Variants in ZFHX3 observed in about 807,000 individuals in gnomAD.
ZFHX3 encodes zinc finger homeobox protein 3.
In ZFHX3, 42 loss-of-function variants were observed where a neutral mutation model predicts 279.1. The ratio of observed to expected loss-of-function variants is 0.15; its 90% confidence interval spans 0.12 to 0.19. The LOEUF is 0.19. ZFHX3 is among the 10% of genes least tolerant of loss of function. ZFHX3 has a pLI of 1.00. For synonymous variants in ZFHX3, 2,293 were observed against 1,957.8 expected, an observed-to-expected ratio of 1.17 and a Z score of -4.52; for missense variants, 4,981 against 4,754.0, an observed-to-expected ratio of 1.05 and a Z score of -1.40.
chr16:73,732,400 C>G (rs968306231), intron 1 of ZFHX3, among the ~76,000 whole-genome samples: 1 of 152,168 alleles, frequency 6.6e-6, no homozygotes, highest in African/African-American at 2.4e-5. Context: ...CAGTGAAATA[C>G]AAACAGAAAA....
chr16:73,092,092 T>G (rs1216407629), intron 8 of ZFHX3, among the ~76,000 whole-genome samples: 1 of 152,196 alleles, frequency 6.6e-6, no homozygotes, highest in Non-Finnish European at 1.5e-5. Context: ...CTAGTGTGAA[T>G]TAAGGACACT....
chr16:73,348,837 C>A (rs1442116508), intron 3 of ZFHX3, among the ~76,000 whole-genome samples: 1 of 152,186 alleles, frequency 6.6e-6, no homozygotes, highest in Non-Finnish European at 1.5e-5. Flanking sequence ...AGCCCAGGGA[C>A]TTCTCATTCA....
chr16:73,607,188 C>T (rs562339353), intron 2 of ZFHX3, among the ~76,000 whole-genome samples: 1 of 152,286 alleles, frequency 6.6e-6, no homozygotes, highest in African/African-American at 2.4e-5. Flanking sequence ...ACCACCATGC[C>T]TGGCTAATTT....
At chr16:73,274,226 G>A (rs985969073) in intron 4 of ZFHX3, among the ~76,000 whole-genome samples, 9 of 152,210 alleles carry the variant, frequency 5.9e-5, no homozygotes, top group African/African-American at 2.2e-4. Context: ...GAACGGTGGT[G>A]TAATTCTTTG....
chr16:73,350,146 A>G (rs888227550), intron 3 of ZFHX3, among the ~76,000 whole-genome samples: 100 of 152,066 alleles, frequency 6.6e-4, no homozygotes, highest in Non-Finnish European at 3.2e-4. Context: ...CTAGATTCCA[A>G]TTATAATGGA....
At chr16:73,563,339 A>G (rs825695) in intron 2 of ZFHX3, among the ~76,000 whole-genome samples, 106,295 of 150,876 alleles carry the variant, frequency 0.7, 38,285 homozygotes, top group African/African-American at 0.85. Context: ...CTGGGTTCAC[A>G]CCATTCTCCT....
chr16:73,130,934 T>C (rs1175763299), intron 7 of ZFHX3: 7 of 1,294,506 alleles, frequency 5.4e-6, no homozygotes, highest in East Asian at 1.1e-4. Context: ...AAAATGCAAA[T>C]GGCTAGGGGC....
At chr16:73,022,098 A>G (rs1306542288) in intron 1 of ZFHX3, among the ~76,000 whole-genome samples, 1 of 152,148 alleles carries the variant, frequency 6.6e-6, no homozygotes, top group South Asian at 2.1e-4. Flanking sequence ...CCAAAATACT[A>G]TAATGCACTT....
intron 3 of ZFHX3, among the ~76,000 whole-genome samples, chr16:73,391,328 A>G (rs1017671752): frequency 1.3e-5 from 2 of 151,880 alleles, no homozygotes; most frequent in East Asian, 2.0e-4. Context: ...GGTGATGGAC[A>G]CCTGTAATCC....
Position 72,783,881 on chromosome 16 carries a change from G to T in ZFHX3, c.*3283C>A, listed in dbSNP as rs572518754. ...CAGTTGAGCATTGTAGTGAATTCAT[G>T]CTTTGTAAATAGTACTGGTCATAGC... On this transcript the variant is annotated 3_prime_UTR_variant, in exon 10 of 10. Transcript: ENST00000268489. 1.3e-5 allele frequency: 2 copies of T among 152,358 alleles called. No homozygotes were observed. The highest frequency in any genetic ancestry group is 4.1e-4 in the South Asian group (2 of 4,828). 9.4% of individuals were successfully genotyped at this position (152,358 alleles called of 1,614,324 possible).
At chr16:73,739,470 C>T (rs916116174) in intron 1 of ZFHX3, among the ~76,000 whole-genome samples, 2 of 152,152 alleles carry the variant, frequency 1.3e-5, no homozygotes, top group African/African-American at 4.8e-5. Flanking sequence ...AAAATGTCCC[C>T]AGATGTTGCA....
chr16:73,653,620 T>G (rs1397170907), intron 2 of ZFHX3, among the ~76,000 whole-genome samples: 1 of 150,248 alleles, frequency 6.7e-6, no homozygotes, highest in East Asian at 1.9e-4. Flanking sequence ...TTCGGAAAAG[T>G]TATGAAGGGC....
In ZFHX3 at chr16:73,423,545, TG is replaced by T. The variant is rs560914465; in HGVS notation, c.-1291+32457del. On this transcript the variant is annotated intron_variant, in intron 3 of 17. Coordinates refer to the ZFHX3 transcript ENST00000641206. The stretch of plus-strand genomic sequence containing the variant: ...GGAAGGAAAGCCTGCTGAAGGATTC[TG>T]GGGAAAAGTTTGCTGTTAAGAGGTT... Among the ~76,000 whole-genome samples, 318 of 152,280 alleles carry T rather than the reference TG, an allele frequency of 2.1e-3. 3 individuals are homozygous for T. The highest frequency in any genetic ancestry group is 3.6e-3 in the Non-Finnish European group (244 of 68,018).
chr16:73,515,804 C>T (rs759915053), intron 2 of ZFHX3, among the ~76,000 whole-genome samples: 7 of 152,098 alleles, frequency 4.6e-5, no homozygotes, highest in Non-Finnish European at 7.3e-5. Context: ...TATATCTCAC[C>T]ATTTTGATCA....
chr16:73,175,307 G>A (rs189971494), intron 5 of ZFHX3, among the ~76,000 whole-genome samples: 2 of 152,280 alleles, frequency 1.3e-5, no homozygotes, highest in Non-Finnish European at 2.9e-5. Context: ...TTGAACCCAG[G>A]AGGTGGAGGC....
chr16:73,496,967 C>G (rs1048921670), intron 2 of ZFHX3, among the ~76,000 whole-genome samples: 28 of 152,214 alleles, frequency 1.8e-4, no homozygotes, highest in African/African-American at 6.5e-4. Context: ...TTTCTGGGCT[C>G]TGTCCCACCA....
chr16:72,819,256 T>C (rs1361886735), intron 5 of ZFHX3, among the ~76,000 whole-genome samples: 3 of 136,400 alleles, frequency 2.2e-5, no homozygotes, highest in Non-Finnish European at 4.7e-5. Flanking sequence ...TGCTTACATC[T>C]ACCAAGACTT....
chr16:73,755,822 A>G (rs1291323248), intron 1 of ZFHX3, among the ~76,000 whole-genome samples: 1 of 152,208 alleles, frequency 6.6e-6, no homozygotes, highest in Admixed American at 6.5e-5. Context: ...TTAATTTTTA[A>G]AAAGTAGAGG....
intron 4 of ZFHX3, among the ~76,000 whole-genome samples, chr16:72,847,871 C>A (rs1299202384): frequency 1.3e-5 from 2 of 152,106 alleles, no homozygotes; most frequent in South Asian, 2.1e-4. Flanking sequence ...GTAGGTTCCA[C>A]ATTGATCTGA....
Sources: allele counts gnomAD v4.1 joint callset (sites outside exome capture counted in the v4.1 genomes callset), GRCh38; gene constraint gnomAD v4.1.1; transcripts MANE v1.5; gene names NCBI Gene and HGNC (gene_info 2026-07-23, HGNC 2026-07-21).